LHPP: variants seen among roughly 807,000 people sequenced by gnomAD.
The protein encoded by LHPP is phospholysine phosphohistidine inorganic pyrophosphate phosphatase.
LHPP carries 24 observed loss-of-function variants against 30.3 expected under a neutral mutation model. That is an observed-to-expected ratio of 0.79 (90% CI 0.57 to 1.11). LHPP has a LOEUF of 1.11. Among genes scored for constraint, LHPP ranks in the 50% most tolerant of loss-of-function variants. The pLI, the probability that LHPP is intolerant of heterozygous loss-of-function variation, is 0.00. For synonymous variants in LHPP, 150 were observed against 157.1 expected (o/e 0.95, Z 0.34); for missense variants, 356 against 367.2 (o/e 0.97, Z 0.25).
At chr10:124,603,787 C>G (rs2885520) in intron 6 of LHPP, among the ~76,000 whole-genome samples, 125,762 of 152,162 alleles carry the variant, frequency 0.83, 52,163 homozygotes, top group East Asian at 0.88. Context: ...AGGGTCCCCA[C>G]GCTGGGCTCC....
At chr10:124,498,526 A>G in intron 5 of LHPP, 3 of 1,422,598 alleles carry the variant, frequency 2.1e-6, no homozygotes, top group Non-Finnish European at 2.8e-6. Context: ...TATTTTGACT[A>G]TTTTGGGATA....
chr10:124,478,415 A>G lies in LHPP; in HGVS notation c.126-5724A>G, dbSNP rs1447834945. 6.6e-6 allele frequency among the ~76,000 whole-genome samples: 1 copy of G among 152,092 alleles called. No homozygotes were observed. Among genetic ancestry groups the G allele is most frequent in the Non-Finnish European group, 1.5e-5 (1 of 67,990 alleles). ...AGGGGCTCATGCTGCCCTTTTCCTGAGGCCCCCTGCTGCCTGCCCAGTCTC... is the reference window on the plus strand; with the variant it reads ...AGGGGCTCATGCTGCCCTTTTCCTGGGGCCCCCTGCTGCCTGCCCAGTCTC... On this transcript the variant is annotated intron_variant, in intron 1 of 6. Coordinates refer to ENST00000368842, the MANE Select transcript of LHPP (RefSeq NM_022126.4). The surrounding 1 kb of genome is among the most constrained non-coding windows in gnomAD (Gnocchi z 4.7).
rs568039453 is a variant in LHPP at position 124,529,613 on chromosome 10, G to T, written c.716+12342G>T. ...CACTTTCCAAGGGTTTAATCCAGGA[G>T]CTGAGGGCCAGGGGCTCCATGACTG... On this transcript the variant is annotated intron_variant, in intron 6 of 6. Coordinates refer to ENST00000368842, the MANE Select transcript of LHPP (RefSeq NM_022126.4). 3.2e-4 allele frequency among the ~76,000 whole-genome samples: 49 copies of T among 152,300 alleles called. 2 individuals carry two copies. The South Asian group carries it at 0.01, about 32-fold the overall frequency.
intron 4 of LHPP, among the ~76,000 whole-genome samples, chr10:124,497,259 TCCCCA>T (rs1389144638): frequency 1.8e-3 from 122 of 66,188 alleles, no homozygotes; most frequent in African/African-American, 6.0e-3. Flanking sequence ...CTCCCCATCC[TCCCCA>T]TCCTCCCCAT....
chr10:124,504,293 C>T (rs1953995998), intron 5 of LHPP, among the ~76,000 whole-genome samples: 1 of 151,740 alleles, frequency 6.6e-6, no homozygotes. Flanking sequence ...CCTGCCACTG[C>T]CTGGAAAATA....
chr10:124,469,165 G>C (rs938657050), intron 1 of LHPP, among the ~76,000 whole-genome samples: 1 of 152,106 alleles, frequency 6.6e-6, no homozygotes, highest in Non-Finnish European at 1.5e-5. Context: ...GGTGAGACCA[G>C]CCGCCGCAGA....
At chr10:124,556,718 G>T (rs561017266) in intron 6 of LHPP, among the ~76,000 whole-genome samples, 1 of 152,094 alleles carries the variant, frequency 6.6e-6, no homozygotes, top group Non-Finnish European at 1.5e-5. Context: ...TTTAAAACGC[G>T]CCTCCATCAA....
At chr10:124,495,806 T>C (rs1387655013) in intron 3 of LHPP, among the ~76,000 whole-genome samples, 1 of 152,242 alleles carries the variant, frequency 6.6e-6, no homozygotes. Context: ...GCATGGAAGG[T>C]ACCGAGTTAA....
At chr10:124,545,032 G>T (rs1955299053) in intron 6 of LHPP, among the ~76,000 whole-genome samples, 1 of 152,178 alleles carries the variant, frequency 6.6e-6, no homozygotes, top group South Asian at 2.1e-4. Context: ...GGTGCTTTGA[G>T]CTGAGTGAAG....
intron 6 of LHPP, among the ~76,000 whole-genome samples, chr10:124,527,432 G>A (rs774927533): frequency 5.3e-5 from 8 of 152,214 alleles, no homozygotes; most frequent in Non-Finnish European, 1.0e-4. Context: ...TCTGTGTCAT[G>A]GGTGGGTCCC....
chr10:124,465,845 G>A (rs900683658), intron 1 of LHPP, among the ~76,000 whole-genome samples: 1 of 152,236 alleles, frequency 6.6e-6, no homozygotes, highest in African/African-American at 2.4e-5. Flanking sequence ...TCACAGGCGT[G>A]AGCCACTGCG....
intron 6 of LHPP, among the ~76,000 whole-genome samples, chr10:124,564,020 C>T (rs1218335652): frequency 6.6e-6 from 1 of 152,048 alleles, no homozygotes; most frequent in Non-Finnish European, 1.5e-5. Context: ...GATCGTGGCT[C>T]ACTGCAACTT....
At position 124,467,334 on chromosome 10, in the gene LHPP, A is replaced by G. The variant is rs544236149; in HGVS notation, c.125+5347A>G. Among the ~76,000 whole-genome samples, 4 of 144,060 alleles carry G rather than the reference A, an allele frequency of 2.8e-5. No individual in the cohort carries two copies. In the East Asian group the frequency reaches 8.4e-4, roughly 30 times the overall value. The allele number at this position is 144,060 out of a possible 152,430, so 94.5% of individuals were successfully genotyped here. A position where few individuals can be genotyped will look rare whatever the true frequency, so the allele number is the denominator to read the frequency against. ...CGGGGTATTGTGGGGGTCAGGGAGA[A>G]CTTGAAATAAAGGGTGGTTTCCGGT... On this transcript the variant is annotated intron_variant, in intron 1 of 6. Transcript: ENST00000368842.
intron 6 of LHPP, among the ~76,000 whole-genome samples, chr10:124,588,758 C>G (rs1948838717): frequency 6.6e-6 from 1 of 152,192 alleles, no homozygotes; most frequent in African/African-American, 2.4e-5. Flanking sequence ...CACTGCTCCC[C>G]CAACACTGCC....
intron 6 of LHPP, among the ~76,000 whole-genome samples, chr10:124,526,775 A>G (rs931755818): frequency 6.6e-6 from 1 of 152,150 alleles, no homozygotes; most frequent in Admixed American, 6.5e-5. Context: ...ACAGCCCCAG[A>G]AGTCCCATCG....
chr10:124,572,630 CA>C lies in LHPP; in HGVS notation c.717-40627del, dbSNP rs1250501808. On this transcript the variant is annotated intron_variant, in intron 6 of 6. Coordinates refer to ENST00000368842, the MANE Select transcript of LHPP (RefSeq NM_022126.4). ...TGGGCGACAGAGCGAGACTCCATCT[CA>C]AAAAAAGAAAGAAAGTAAGAAAGGA... 9.9e-4 allele frequency among the ~76,000 whole-genome samples: 57 copies of C among 57,652 alleles called. No individual in the cohort carries two copies. In the East Asian group the frequency reaches 0.02, roughly 21 times the overall value. The allele number at this position is 57,652 out of a possible 152,430, so 37.8% of individuals were successfully genotyped here.
chr10:124,470,310 CGTTTTT>C (rs1257587118), intron 1 of LHPP, among the ~76,000 whole-genome samples: 1 of 152,118 alleles, frequency 6.6e-6, no homozygotes, highest in Admixed American at 6.5e-5. Flanking sequence ...CCCGGCTCGG[CGTTTTT>C]GGAGCCGGCG....
chr10:124,506,647 G>T (rs912115180), intron 5 of LHPP, among the ~76,000 whole-genome samples: 1 of 144,916 alleles, frequency 6.9e-6, no homozygotes, highest in Non-Finnish European at 1.5e-5. Context: ...TAGGGAGGTG[G>T]GGAGGGTAGG....
intron 1 of LHPP, among the ~76,000 whole-genome samples, chr10:124,470,379 A>G (rs1952692148): frequency 6.8e-6 from 1 of 147,504 alleles, no homozygotes; most frequent in Non-Finnish European, 1.5e-5. Flanking sequence ...CCCACCCAGG[A>G]CCGCCCCGAT....
Sources: gnomAD v4.1 joint callset for allele counts (sites outside exome capture counted in the v4.1 genomes callset) on GRCh38, gnomAD v4.1.1 for gene constraint, Gnocchi (gnomAD v3.1) non-coding constraint, MANE v1.5 for transcripts, NCBI Gene and HGNC (gene_info 2026-07-23, HGNC 2026-07-21) for gene names.